The following CCDC22 variants were observed in gnomAD, a reference collection of about 807,000 sequenced individuals.
CCDC22 encodes the protein coiled-coil domain-containing protein 22.
Under a neutral mutation model 53.1 loss-of-function variants are expected in CCDC22, and 4 were observed. The ratio of observed to expected loss-of-function variants is 0.08; its 90% CI spans 0.04 to 0.17. The LOEUF is 0.17. Ranked by LOEUF, CCDC22 falls within the 10% of genes least tolerant of loss-of-function variation. The pLI is 1.00. For synonymous variants in CCDC22, 222 were observed against 224.4 expected (o/e 0.99, Z 0.10); for missense variants, 458 against 554.0 (o/e 0.83, Z 1.74).
intron 9 of CCDC22, among the ~76,000 whole-genome samples, 167 bp downstream of exon 9, chrX:49,247,935 C>T (rs1415146832): frequency 1.8e-5 from 2 of 111,146 alleles, no homozygotes; most frequent in Non-Finnish European, 3.8e-5. Context: ...CTATGAGAAT[C>T]AGGCCAGGGT....
At chrX:49,249,991 T>C (rs1047034577) in intron 16 of CCDC22, among the ~76,000 whole-genome samples, 157 bp from the exon 17 acceptor site, 6 of 112,223 alleles carry the variant, frequency 5.3e-5, no homozygotes, top group African/African-American at 1.9e-4. Context: ...GAAGGATGCT[T>C]TGGGTAGAGG....
chrX:49,241,324 C>T (rs2065962380), intron 2 of CCDC22, among the ~76,000 whole-genome samples: 1 of 109,557 alleles, frequency 9.1e-6, no homozygotes, highest in Admixed American at 9.8e-5. Context: ...CCTGTCTACA[C>T]TGAAAATACA....
Position 49,235,628 on chromosome X carries a change from G to C in CCDC22, c.-9G>C, listed in dbSNP as rs782366331. The C allele has an allele frequency of 6.5e-5, 76 of 1,174,673 alleles. No homozygotes were observed. Among genetic ancestry groups the C allele is most frequent in the Non-Finnish European group, 8.0e-5 (70 of 877,512 alleles). On this transcript the variant is annotated 5_prime_UTR_variant, in exon 1 of 17. Transcript: ENST00000376227. Reference sequence around the variant, plus strand: ...TGGACCCAGCCCCCGACTCCGACACGGCTCCACCATGGAGGAGGCGGACCG... The same window carrying C: ...TGGACCCAGCCCCCGACTCCGACACCGCTCCACCATGGAGGAGGCGGACCG...
At chrX:49,235,851 A>ACACACACACACACACACG (rs1569529080) in intron 1 of CCDC22, among the ~76,000 whole-genome samples, 165 bp downstream of exon 1, 3 of 100,427 alleles carry the variant, frequency 3.0e-5, no homozygotes, top group Non-Finnish European at 4.1e-5. Flanking sequence ...ACACACACAC[A>ACACACACACACACACACG]CACACACACA....
intron 1 of CCDC22, 108 bp downstream of exon 1, chrX:49,235,794 C>T: frequency 1.7e-6 from 1 of 587,979 alleles, no homozygotes; most frequent in South Asian, 2.8e-5. Context: ...ATTCAGGGCT[C>T]CAACTCCAGG....
intron 7 of CCDC22, among the ~76,000 whole-genome samples, 185 bp from the exon 8 acceptor site, chrX:49,247,311 G>A (rs782080201): frequency 2.1e-4 from 24 of 112,729 alleles, no homozygotes; most frequent in Non-Finnish European, 3.2e-4. Flanking sequence ...ATTTCTCCAC[G>A]AGCAAGCACT....
Position 49,248,804 on chromosome X carries a change from T to C in CCDC22, c.1432-13T>C, listed in dbSNP as rs1569529418. On this transcript the variant is annotated splice_polypyrimidine_tract_variant and intron_variant, in intron 12 of 16. Transcript: ENST00000376227. The stretch of plus-strand genomic sequence containing the variant: ...GATGGTCCTGGGGCAGTGCCTGCTA[T>C]ATCCCTGCCTAGATGTCAGAGCTGG... The C allele has an allele frequency of 1.7e-6, 2 of 1,208,046 alleles. No homozygotes were observed. Among genetic ancestry groups the C allele is most frequent in the Non-Finnish European group, 2.2e-6 (2 of 893,681 alleles).
chrX:49,250,068 T>A (rs1433963965), intron 16 of CCDC22, 80 bp from the exon 17 acceptor site: 1 of 583,604 alleles, frequency 1.7e-6, no homozygotes, highest in African/African-American at 2.3e-5. Flanking sequence ...GGGCCCAGAG[T>A]GGCTGTGATG....
At position 49,235,548 on chromosome X, in the gene CCDC22, C is replaced by G; in HGVS notation, c.-89C>G. On this transcript the variant is annotated 5_prime_UTR_variant, in exon 1 of 17. Coordinates refer to ENST00000376227, the MANE Select transcript of CCDC22 (RefSeq NM_014008.5). Reference sequence around the variant, plus strand: ...ACACGACCCGTGACACTCTGTGGACCGCGAGCACGGAGCAGGGTTTCTACA... The same window carrying G: ...ACACGACCCGTGACACTCTGTGGACGGCGAGCACGGAGCAGGGTTTCTACA... The G allele has an allele frequency of 1.2e-6, 1 of 852,004 alleles. No homozygotes were observed. Among genetic ancestry groups the G allele is most frequent in the East Asian group, 3.4e-5 (1 of 29,351 alleles). 70.2% of individuals were successfully genotyped at this position (852,004 alleles called of 1,213,427 possible). A position where few individuals can be genotyped will look rare whatever the true frequency, so the allele number is the denominator to read the frequency against.
In CCDC22 at chrX:49,242,396, T is replaced by C. The variant is rs192817941; in HGVS notation, c.361+248T>C. On this transcript the variant is annotated intron_variant, in intron 3 of 16. Coordinates refer to ENST00000376227, the MANE Select transcript of CCDC22 (RefSeq NM_014008.5). ...GGAGGGGCCTCCCTGACTCAACCCC[T>C]GTGCCCTCCCTCTCTCTCACTTCGC... 1,809 of 690,337 alleles carry C rather than the reference T, an allele frequency of 2.6e-3. 28 individuals carry two copies. The African/African-American group carries it at 0.041, about 16-fold the overall frequency. 56.9% of individuals were successfully genotyped at this position (690,337 alleles called of 1,213,427 possible).
intron 2 of CCDC22, among the ~76,000 whole-genome samples, 182 bp from the exon 3 acceptor site, chrX:49,241,834 T>C (rs1557113395): frequency 8.9e-6 from 1 of 111,940 alleles, no homozygotes; most frequent in East Asian, 2.8e-4. Context: ...TGTTTCTTGT[T>C]CTCTGTAGCG....
rs781874133 is a variant in CCDC22 at position 49,248,851 on chromosome X, C to T, written c.1466C>T (p.Ser489Phe). 6.6e-6 allele frequency: 8 copies of T among 1,210,682 alleles called. No individual in the cohort carries two copies. Among genetic ancestry groups the T allele is most frequent in the Non-Finnish European group, 8.9e-6 (8 of 895,168 alleles). Residue 489 changes from serine (S) to phenylalanine (F), a missense_variant, in exon 13 of 17, where the codon TCC (serine) becomes TTC (phenylalanine). Coordinates refer to ENST00000376227, the MANE Select transcript of CCDC22 (RefSeq NM_014008.5). ...SELETLPRDV[S>F]RLAYTQRILE... ...CTGGAGACTCTGCCCAGAGATGTGTCCCGGCTGGCCTACACCCAGCGCATC... is the reference window on the plus strand; with the variant it reads ...CTGGAGACTCTGCCCAGAGATGTGTTCCGGCTGGCCTACACCCAGCGCATC...
At position 49,248,479 on chromosome X, in the gene CCDC22, C is replaced by T. The variant is rs782246195; in HGVS notation, c.1285C>T (p.Leu429Phe). ...GTGGGAGAAGCACCGGGTCCCACTC[C>T]TCGCTGAGTACCGCCACCTCCGAAA... is the stretch of plus-strand genomic sequence containing the variant. Reference protein sequence around the residue: ...GQWEKHRVPLLAEYRHLRKLQ... With the variant: ...GQWEKHRVPLFAEYRHLRKLQ... The change falls in exon 11 of 17, where the codon CTC (leucine) becomes TTC (phenylalanine). Residue 429 changes from leucine to phenylalanine, a missense_variant. Leu to Phe is a conservative substitution (Grantham distance 22). Coordinates refer to ENST00000376227, the MANE Select transcript of CCDC22 (RefSeq NM_014008.5). 3 of 1,208,269 alleles carry T rather than the reference C, an allele frequency of 2.5e-6. No homozygotes were observed. In the Admixed American group the frequency reaches 6.6e-5, roughly 26 times the overall value.
At chrX:49,243,225 G>C (rs1027661399) in intron 5 of CCDC22, 41 bp downstream of exon 5, 5 of 1,202,548 alleles carry the variant, frequency 4.2e-6, no homozygotes, top group Middle Eastern at 4.6e-4. Context: ...AGGAAGGTGG[G>C]GGGGAACCTC....
chrX:49,241,453 C>T (rs1227832206), intron 2 of CCDC22, among the ~76,000 whole-genome samples: 1 of 102,167 alleles, frequency 9.8e-6, no homozygotes, highest in Non-Finnish European at 2.0e-5. Context: ...CGCTACTGCA[C>T]TCCAGCCTGA....
At chrX:49,245,139 C>T (rs147469899) in intron 6 of CCDC22, among the ~76,000 whole-genome samples, 2 of 109,261 alleles carry the variant, frequency 1.8e-5, no homozygotes, top group Non-Finnish European at 3.8e-5. Context: ...CAGTACCCCT[C>T]CCCTTCTGTC....
At position 49,241,632 on chromosome X, in the gene CCDC22, C is replaced by A. The variant is rs1557113374; in HGVS notation, c.229-384C>A. 2.7e-5 allele frequency among the ~76,000 whole-genome samples: 3 copies of A among 111,493 alleles called. No individual in the cohort carries two copies. In the Admixed American group the frequency reaches 2.9e-4, roughly 11 times the overall value. On this transcript the variant is annotated intron_variant, in intron 2 of 16. Transcript: ENST00000376227. ...TCCTGTTTATTTTTAGGCACTCTTT[C>A]TATAATAGGTAGATTTGCTCTTTAC...
At position 49,248,221 on chromosome X, in the gene CCDC22, A is replaced by C. The variant is rs1184254299; in HGVS notation, c.1123A>C (p.Ser375Arg). 4 of 1,203,111 alleles carry C rather than the reference A, an allele frequency of 3.3e-6. No homozygotes were observed. In the African/African-American group the frequency reaches 7.0e-5, roughly 21 times the overall value. ...GTCTGAGTGCCGGCACAGCAAGCTC[A>C]GTACAGCAGAGCGTGAGCAGGCCCT... Reference protein sequence around the residue: ...AESECRHSKLSTAEREQALRL... With the variant: ...AESECRHSKLRTAEREQALRL... The change falls in exon 10 of 17, where the codon AGT becomes CGT. Residue 375 changes from serine to arginine, a missense_variant. Coordinates refer to ENST00000376227, the MANE Select transcript of CCDC22 (RefSeq NM_014008.5).
intron 2 of CCDC22, among the ~76,000 whole-genome samples, chrX:49,241,345 G>A (rs782466064): frequency 6.4e-5 from 7 of 110,004 alleles, no homozygotes; most frequent in South Asian, 3.9e-4. Flanking sequence ...AAAATTAGCC[G>A]GGTGTGGTGG....
Sources: allele counts gnomAD v4.1 joint callset (sites outside exome capture counted in the v4.1 genomes callset), GRCh38; gene constraint gnomAD v4.1.1; transcripts MANE v1.5; gene names NCBI Gene and HGNC (gene_info 2026-07-23, HGNC 2026-07-21).